Variants in IL16 observed in about 807,000 individuals in gnomAD.
IL16 encodes pro-interleukin-16.
In IL16, 67 loss-of-function variants were observed where a neutral mutation model predicts 110.1. The observed-to-expected ratio is 0.61, with a 90% CI of 0.50 to 0.75. IL16 has a LOEUF of 0.75. Ranked by LOEUF, IL16 falls within the 30% of genes least tolerant of loss-of-function variation. The probability of loss-of-function intolerance (pLI) is 0.00; values close to 1 mark genes in which losing one functional copy is unlikely to be tolerated. For synonymous variants in IL16, 689 were observed against 662.9 expected (o/e 1.04, Z -0.61); for missense variants, 1,545 against 1,655.0 (o/e 0.93, Z 1.15).
At chr15:81,296,612 C>G (rs17875499) in intron 12 of IL16, among the ~76,000 whole-genome samples, 317 of 152,242 alleles carry the variant, frequency 2.1e-3, no homozygotes, top group African/African-American at 7.4e-3. Context: ...GTAACTGAAG[C>G]AATGCCAGTC....
Position 81,243,143 on chromosome 15 carries a change from G to GTATATATATATATATATATATATATACA in IL16, c.313-16608_313-16607insATATACATATATATATATATATATATAT, listed in dbSNP as rs1275444035. Among the ~76,000 whole-genome samples, 5 of 47,240 alleles carry GTATATATATATATATATATATATATACA rather than the reference G, an allele frequency of 1.1e-4. No individual in the cohort carries two copies. The East Asian group carries it at 2.5e-3, about 24-fold the overall frequency. 31.0% of individuals were successfully genotyped at this position (47,240 alleles called of 152,430 possible). A position where few individuals can be genotyped will look rare whatever the true frequency, so the allele number is the denominator to read the frequency against. On this transcript the variant is annotated intron_variant, in intron 2 of 18. Coordinates refer to ENST00000683961, the MANE Select transcript of IL16 (RefSeq NM_172217.5). ...TTTTGCTTATATATTAGCTATATAAGTATATATATATATATATATATTTTT... is the reference window on the plus strand; with the variant it reads ...TTTTGCTTATATATTAGCTATATAAGTATATATATATATATATATATATATACATATATATATATATATATATATTTTT...
chr15:81,240,225 CCACT>C (rs1897300523), intron 2 of IL16, among the ~76,000 whole-genome samples: 1 of 152,008 alleles, frequency 6.6e-6, no homozygotes, highest in South Asian at 2.1e-4. Context: ...TGTGTGAAAA[CCACT>C]CAATTTATCC....
chr15:81,313,044 T>A lies in IL16; in HGVS notation c.*4246T>A. 2.3e-6 allele frequency: 1 copy of A among 426,800 alleles called. No homozygotes were observed. 26.4% of individuals were successfully genotyped at this position (426,800 alleles called of 1,614,324 possible). On this transcript the variant is annotated 3_prime_UTR_variant, in exon 19 of 19. Transcript: ENST00000683961. ...ACAGGCAGATGGAGTTTGGAACACA[T>A]GAATGGCTCATCACACGCCAACCCT...
At chr15:81,232,061 T>C (rs868831294) in intron 2 of IL16, among the ~76,000 whole-genome samples, 2 of 142,474 alleles carry the variant, frequency 1.4e-5, no homozygotes, top group African/African-American at 2.7e-5. Flanking sequence ...TTTTTTTTTT[T>C]TTTTTCTTTT....
rs141515842 is a variant in IL16, at chr15:81,211,663, C to G, written c.-101-13636C>G. Among the ~76,000 whole-genome samples, 1,399 of 152,294 alleles carry G rather than the reference C, an allele frequency of 9.2e-3. 30 individuals carry two copies. Among genetic ancestry groups the G allele is most frequent in the African/African-American group, 0.032 (1,330 of 41,550 alleles). On this transcript the variant is annotated intron_variant, in intron 1 of 18. Coordinates refer to ENST00000683961, the MANE Select transcript of IL16 (RefSeq NM_172217.5). ...TTGGCCTCCCAAAGTGCTAGAATTA[C>G]AGGCATGAGCCACTGCACTTGGCCA...
chr15:81,216,355 C>A (rs1896431169), intron 1 of IL16, among the ~76,000 whole-genome samples: 1 of 152,216 alleles, frequency 6.6e-6, no homozygotes, highest in Non-Finnish European at 1.5e-5. Flanking sequence ...CCCTCACTCA[C>A]TGCTTTCCCA....
At chr15:81,199,019 CA>C (rs71451567) in intron 1 of IL16, among the ~76,000 whole-genome samples, 10 of 79,232 alleles carry the variant, frequency 1.3e-4, no homozygotes, top group East Asian at 4.2e-4. Context: ...GACTCCATCT[CA>C]AAAAAAAAAA....
chr15:81,182,853 T>A (rs927526537), exon 1 of IL16: 62 of 1,289,238 alleles, frequency 4.8e-5, no homozygotes, highest in Non-Finnish European at 5.9e-5. Flanking sequence ...TCAAACCCTG[T>A]GCAATGAGTT....
chr15:81,296,478 G>A (rs1375830049), intron 12 of IL16, among the ~76,000 whole-genome samples: 2 of 152,230 alleles, frequency 1.3e-5, no homozygotes, highest in East Asian at 3.9e-4. Flanking sequence ...ACAAGTGACA[G>A]CAATTGACAA....
At position 81,313,838 on chromosome 15, in the gene IL16, C is replaced by G. The variant is rs968533367; in HGVS notation, c.*5040C>G. 1 of 152,816 alleles carries G rather than the reference C, an allele frequency of 6.5e-6. No homozygotes were observed. The highest frequency in any genetic ancestry group is 1.9e-4 in the East Asian group (1 of 5,194). 9.5% of individuals were successfully genotyped at this position (152,816 alleles called of 1,614,324 possible). A position where few individuals can be genotyped will look rare whatever the true frequency, so the allele number is the denominator to read the frequency against. On this transcript the variant is annotated 3_prime_UTR_variant, in exon 19 of 19. Transcript: ENST00000683961. ...AGTTAACACTATTTTTATAACAACACGAACATGTGATTCGCCTTCTCTCAC... is the reference window on the plus strand; with the variant it reads ...AGTTAACACTATTTTTATAACAACAGGAACATGTGATTCGCCTTCTCTCAC...
rs1275444035 is a variant in IL16, at chr15:81,243,143, G to GTATATATATA, written c.313-16617_313-16608dup. ...TTTTGCTTATATATTAGCTATATAAGTATATATATATATATATATATTTTT... is the reference window on the plus strand; with the variant it reads ...TTTTGCTTATATATTAGCTATATAAGTATATATATATATATATATATATATATATATTTTT... On this transcript the variant is annotated intron_variant, in intron 2 of 18. Coordinates refer to ENST00000683961, the MANE Select transcript of IL16 (RefSeq NM_172217.5). Among the ~76,000 whole-genome samples, 340 of 47,166 alleles carry GTATATATATA rather than the reference G, an allele frequency of 7.2e-3. 11 individuals carry two copies. Among genetic ancestry groups the GTATATATATA allele is most frequent in the Middle Eastern group, 0.032 (2 of 62 alleles). The allele number at this position is 47,166 out of a possible 152,430, so 30.9% of individuals were successfully genotyped here. A position where few individuals can be genotyped will look rare whatever the true frequency, so the allele number is the denominator to read the frequency against.
chr15:81,251,456 C>T (rs2142147679), intron 2 of IL16, among the ~76,000 whole-genome samples: 1 of 152,296 alleles, frequency 6.6e-6, no homozygotes, highest in Non-Finnish European at 1.5e-5. Context: ...ATCCACTGTA[C>T]TACCAGACAT....
chr15:81,201,985 G>C, intron 1 of IL16, among the ~76,000 whole-genome samples: 1 of 152,206 alleles, frequency 6.6e-6, no homozygotes, highest in Non-Finnish European at 1.5e-5. Context: ...ATTTGAACCA[G>C]AGATGGGGTT....
intron 2 of IL16, among the ~76,000 whole-genome samples, chr15:81,259,225 G>A (rs898140827): frequency 1.3e-5 from 2 of 152,088 alleles, no homozygotes; most frequent in African/African-American, 2.4e-5. Flanking sequence ...CATTCATTCC[G>A]CAAATAGTTG....
chr15:81,214,071 C>G (rs1896342818), intron 1 of IL16, among the ~76,000 whole-genome samples: 1 of 151,314 alleles, frequency 6.6e-6, no homozygotes, highest in African/African-American at 2.4e-5. Context: ...AGGTATTGTT[C>G]TTTTGATTCC....
At chr15:81,290,192 G>C (rs1596038708) in intron 10 of IL16, 2 of 493,442 alleles carry the variant, frequency 4.1e-6, no homozygotes, top group East Asian at 6.6e-5. Context: ...TTTCCAGCAA[G>C]TAGTGGGGAG....
intron 1 of IL16, among the ~76,000 whole-genome samples, chr15:81,220,360 G>A (rs1207323913): frequency 6.6e-6 from 1 of 152,034 alleles, no homozygotes; most frequent in Non-Finnish European, 1.5e-5. Context: ...TCACCAGGCT[G>A]CCCAGGCTGC....
chr15:81,209,403 C>T (rs1446390837), intron 1 of IL16, among the ~76,000 whole-genome samples: 1 of 152,000 alleles, frequency 6.6e-6, no homozygotes, highest in East Asian at 1.9e-4. Context: ...CAGGAGCTCA[C>T]AGGGGCTTGG....
chr15:81,227,957 G>A (rs1896842906), intron 2 of IL16, among the ~76,000 whole-genome samples: 1 of 152,158 alleles, frequency 6.6e-6, no homozygotes, highest in South Asian at 2.1e-4. Flanking sequence ...GGGGGTAGTA[G>A]GGGAAGGAGG....
Sources: allele counts gnomAD v4.1 joint callset (sites outside exome capture counted in the v4.1 genomes callset), GRCh38; gene constraint gnomAD v4.1.1; transcripts MANE v1.5; gene names NCBI Gene and HGNC (gene_info 2026-07-23, HGNC 2026-07-21).